The following BOP1 variants were observed in gnomAD, a reference collection of about 807,000 sequenced individuals.
BOP1 encodes BOP1 ribosomal biogenesis factor.
BOP1 carries 54 observed loss-of-function variants against 82.9 expected under a neutral mutation model. The ratio of observed to expected loss-of-function variants is 0.65; its 90% confidence interval spans 0.52 to 0.82. The LOEUF is 0.82. BOP1 is among the 40% of genes least tolerant of loss of function. The pLI, the probability that BOP1 is intolerant of heterozygous loss-of-function variation, is 0.00. For missense variants in BOP1, 1,170 were observed against 1,072.0 expected (o/e 1.09, Z -1.28); for synonymous variants, 566 against 451.1 (o/e 1.25, Z -3.23).
chr8:144,262,757 C>T (rs1554836588), intron 13 of BOP1, 85 bp from the exon 14 acceptor site: 2 of 1,475,202 alleles, frequency 1.4e-6, no homozygotes, highest in East Asian at 2.5e-5. Context: ...CCCTCACCTG[C>T]AGGGTGCACT....
intron 2 of BOP1, among the ~76,000 whole-genome samples, chr8:144,288,336 T>G (rs1554839689): frequency 6.7e-6 from 1 of 150,064 alleles, no homozygotes; most frequent in East Asian, 1.9e-4. Flanking sequence ...GAGACCAGCC[T>G]GGCCAACACG....
At chr8:144,266,619 CT>C in intron 3 of BOP1, 1 of 1,212,250 alleles carries the variant, frequency 8.2e-7, no homozygotes, top group Non-Finnish European at 1.0e-6. Flanking sequence ...GCCCCATGTC[CT>C]TCGCCACGCT....
chr8:144,277,810 GGGGCGGTGC>G (rs1845592643), intron 2 of BOP1, among the ~76,000 whole-genome samples: 2 of 152,234 alleles, frequency 1.3e-5, no homozygotes, highest in Admixed American at 6.5e-5. Flanking sequence ...GGTGCGGGCA[GGGGCGGTGC>G]GGGCAGGGGC....
At chr8:144,281,801 TCTCGAA>T (rs1180013459) in intron 2 of BOP1, 1 of 151,870 alleles carries the variant, frequency 6.6e-6, no homozygotes, top group African/African-American at 2.4e-5. Flanking sequence ...GCCGGGCTGG[TCTCGAA>T]CTCCTCAAGT....
chr8:144,273,012 G>A (rs1397731399), intron 3 of BOP1, among the ~76,000 whole-genome samples: 1 of 152,216 alleles, frequency 6.6e-6, no homozygotes, highest in Non-Finnish European at 1.5e-5. Context: ...GGCGGCCGCG[G>A]GGGTGGATGG....
At chr8:144,282,629 C>T (rs1230403876) in intron 2 of BOP1, among the ~76,000 whole-genome samples, 2 of 152,066 alleles carry the variant, frequency 1.3e-5, no homozygotes, top group Admixed American at 6.5e-5. Context: ...TGGGCCCTGC[C>T]GTGGCCCACA....
At chr8:144,271,877 C>G (rs1012782184) in intron 3 of BOP1, among the ~76,000 whole-genome samples, 3 of 152,176 alleles carry the variant, frequency 2.0e-5, no homozygotes, top group Non-Finnish European at 4.4e-5. Context: ...GGCCTTCTCC[C>G]GGCACCTCCA....
At chr8:144,277,829 C>CGGTGCAGGCAGGGGT (rs1845594173) in intron 2 of BOP1, among the ~76,000 whole-genome samples, 1 of 152,082 alleles carries the variant, frequency 6.6e-6, no homozygotes, top group Admixed American at 6.5e-5. Flanking sequence ...CGGGCAGGGG[C>CGGTGCAGGCAGGGGT]GGCCACTGCT....
intron 3 of BOP1, among the ~76,000 whole-genome samples, chr8:144,274,425 C>A (rs1845539083): frequency 1.3e-5 from 2 of 152,234 alleles, no homozygotes; most frequent in Admixed American, 6.5e-5. Context: ...AAGCCTCTTT[C>A]CTGCCCACCT....
At chr8:144,268,198 G>T (rs1845425034) in intron 3 of BOP1, 2 of 1,547,724 alleles carry the variant, frequency 1.3e-6, no homozygotes, top group Non-Finnish European at 1.7e-6. Flanking sequence ...GGACGCCCGG[G>T]GTGACTGCAG....
chr8:144,268,901 G>A (rs960301128), intron 3 of BOP1, among the ~76,000 whole-genome samples: 7 of 152,150 alleles, frequency 4.6e-5, no homozygotes, highest in African/African-American at 7.2e-5. Context: ...GGAGGGCGCT[G>A]CAGGTGGCCA....
At chr8:144,282,975 G>A (rs573415472) in intron 2 of BOP1, among the ~76,000 whole-genome samples, 6 of 151,760 alleles carry the variant, frequency 4.0e-5, no homozygotes, top group African/African-American at 1.5e-4. Flanking sequence ...GATTACCTGA[G>A]GTCAGGAGTT....
At position 144,264,859 on chromosome 8, in the gene BOP1, G is replaced by A. The variant is rs1230609921; in HGVS notation, c.546-28C>T. On this transcript the variant is annotated intron_variant, in intron 4 of 15. Coordinates refer to ENST00000569669, the MANE Select transcript of BOP1 (RefSeq NM_015201.5). ...GGAGACCGCCAGTCAGACCCCGCCA[G>A]CCCTGCCCCACCCCTCGGGCCCACC... 4 of 1,608,440 alleles carry A rather than the reference G, an allele frequency of 2.5e-6. No homozygotes were observed. In the African/African-American group the frequency reaches 5.3e-5, roughly 22 times the overall value.
At chr8:144,290,271 G>A (rs558985381) in intron 1 of BOP1, among the ~76,000 whole-genome samples, 11 of 151,440 alleles carry the variant, frequency 7.3e-5, no homozygotes, top group Non-Finnish European at 1.5e-4. Context: ...GCCAGGAGGT[G>A]GAAGCTGCAG....
chr8:144,263,652 C>A (rs1845289003), intron 10 of BOP1, 40 bp downstream of exon 10: 5 of 1,603,206 alleles, frequency 3.1e-6, no homozygotes, highest in Non-Finnish European at 4.3e-6. Context: ...GGCCATCCCA[C>A]CTGCCCCCCA....
intron 2 of BOP1, among the ~76,000 whole-genome samples, chr8:144,277,177 C>A (rs1845580472): frequency 6.6e-6 from 1 of 151,106 alleles, no homozygotes; most frequent in African/African-American, 2.4e-5. Flanking sequence ...CCACCCCGAG[C>A]CCCTCTTCTC....
chr8:144,287,698 G>A (rs998992541), intron 2 of BOP1, among the ~76,000 whole-genome samples: 5 of 152,086 alleles, frequency 3.3e-5, no homozygotes, highest in Non-Finnish European at 7.4e-5. Context: ...TCAAGAAGGG[G>A]TAACGTAGTT....
chr8:144,267,662 A>T (rs1320162902), intron 3 of BOP1, among the ~76,000 whole-genome samples: 1 of 152,072 alleles, frequency 6.6e-6, no homozygotes, highest in African/African-American at 2.4e-5. Flanking sequence ...GCACACCAAG[A>T]CACCAGGTCC....
chr8:144,290,043 G>T (rs909727543), intron 1 of BOP1, among the ~76,000 whole-genome samples: 72 of 152,284 alleles, frequency 4.7e-4, no homozygotes, highest in Non-Finnish European at 1.3e-4. Flanking sequence ...TTAAAGGGTG[G>T]AACAAGAACT....
Sources: allele counts gnomAD v4.1 joint callset (sites outside exome capture counted in the v4.1 genomes callset), GRCh38; gene constraint gnomAD v4.1.1; transcripts MANE v1.5; gene names NCBI Gene and HGNC (gene_info 2026-07-23, HGNC 2026-07-21).